The following TAFA2 variants were observed in gnomAD, a reference collection of about 807,000 sequenced individuals.
The protein encoded by TAFA2 is TAFA chemokine like family member 2.
A neutral mutation model predicts 18.8 loss-of-function variants in TAFA2; 7 were observed. The ratio of observed to expected loss-of-function variants is 0.37; its 90% CI spans 0.21 to 0.70. The LOEUF (loss-of-function observed/expected upper bound fraction) is 0.70, where lower values mean the gene tolerates loss of function less well. Ranked by LOEUF, TAFA2 falls within the 30% of genes least tolerant of loss-of-function variation. The probability of loss-of-function intolerance (pLI) is 0.53; values close to 1 mark genes in which losing one functional copy is unlikely to be tolerated. For synonymous variants in TAFA2, 60 were observed against 54.2 expected (o/e 1.11, Z -0.47); for missense variants, 122 against 158.1 (o/e 0.77, Z 1.23).
chr12:61,950,526 T>G (rs1878429979), intron 1 of TAFA2, among the ~76,000 whole-genome samples: 1 of 152,150 alleles, frequency 6.6e-6, no homozygotes, highest in Non-Finnish European at 1.5e-5. Flanking sequence ...GTTAAGCATT[T>G]TTTTCATATG....
chr12:61,739,975 A>G (rs1868376307), intron 4 of TAFA2, among the ~76,000 whole-genome samples: 1 of 152,114 alleles, frequency 6.6e-6, no homozygotes, highest in Non-Finnish European at 1.5e-5. Flanking sequence ...CTCTCCTCAC[A>G]ATTACTCAAA....
chr12:61,826,624 G>T (rs1410800089), intron 2 of TAFA2, among the ~76,000 whole-genome samples: 1 of 151,944 alleles, frequency 6.6e-6, no homozygotes, highest in Non-Finnish European at 1.5e-5. Flanking sequence ...TGGCTCAGGA[G>T]ATACTAATTT....
chr12:62,214,944 C>T (rs1218545851), intron 1 of TAFA2, among the ~76,000 whole-genome samples: 2 of 152,154 alleles, frequency 1.3e-5, no homozygotes, highest in Non-Finnish European at 2.9e-5. Context: ...GAGATACTAT[C>T]TTTAAAGGCT....
At chr12:62,010,400 T>A (rs1880697869) in intron 1 of TAFA2, among the ~76,000 whole-genome samples, 1 of 152,128 alleles carries the variant, frequency 6.6e-6, no homozygotes, top group Non-Finnish European at 1.5e-5. Context: ...TCGAGTGGTC[T>A]GCCCACCTCA....
intron 1 of TAFA2, among the ~76,000 whole-genome samples, chr12:62,020,614 A>C (rs1881097215): frequency 6.6e-6 from 1 of 152,228 alleles, no homozygotes. Flanking sequence ...ATCTACCTAC[A>C]AACCAAACTG....
chr12:62,115,744 G>A (rs538267162), intron 1 of TAFA2, among the ~76,000 whole-genome samples: 4 of 152,216 alleles, frequency 2.6e-5, no homozygotes, highest in South Asian at 4.1e-4. Flanking sequence ...AATCTGATTC[G>A]CAAACTCTAT....
At chr12:61,965,924 A>G (rs553642598) in intron 1 of TAFA2, among the ~76,000 whole-genome samples, 9 of 151,828 alleles carry the variant, frequency 5.9e-5, no homozygotes, top group African/African-American at 9.6e-5. Flanking sequence ...TCTATAATGG[A>G]CCTAGAAATT....
At chr12:61,739,076 G>T (rs1868356352) in intron 4 of TAFA2, among the ~76,000 whole-genome samples, 1 of 151,994 alleles carries the variant, frequency 6.6e-6, no homozygotes, top group South Asian at 2.1e-4. Flanking sequence ...ATCCATGTGA[G>T]AAATCTATGT....
intron 1 of TAFA2, among the ~76,000 whole-genome samples, chr12:62,237,537 C>T (rs1216394757): frequency 6.6e-5 from 10 of 151,992 alleles, no homozygotes; most frequent in South Asian, 2.1e-4. Context: ...GAATTGGTTC[C>T]GGGTTTCTTG....
intron 1 of TAFA2, among the ~76,000 whole-genome samples, chr12:62,066,390 C>G (rs1882489504): frequency 6.6e-6 from 1 of 151,828 alleles, no homozygotes; most frequent in Non-Finnish European, 1.5e-5. Context: ...AGGTCTTATT[C>G]ATTCTTTCTA....
intron 1 of TAFA2, among the ~76,000 whole-genome samples, chr12:62,143,305 T>C (rs1260590249): frequency 6.6e-6 from 1 of 152,198 alleles, no homozygotes; most frequent in Non-Finnish European, 1.5e-5. Context: ...GAGTAGTCAA[T>C]TGGAGAAAGT....
chr12:61,942,174 C>A lies in TAFA2; in HGVS notation c.-1-74748G>T, dbSNP rs372217028. ...ACCCCCGAGCAGCCTAACTGGGAGGCACCCCCCAGCAGGGGCACACTGACA... is the reference window on the plus strand; with the variant it reads ...ACCCCCGAGCAGCCTAACTGGGAGGAACCCCCCAGCAGGGGCACACTGACA... On this transcript the variant is annotated intron_variant, in intron 1 of 4. Coordinates refer to ENST00000416284, the MANE Select transcript of TAFA2 (RefSeq NM_178539.5). Among the ~76,000 whole-genome samples the A allele has an allele frequency of 4.8e-5, 7 of 147,246 alleles. No homozygotes were observed. In the East Asian group the frequency reaches 1.0e-3, roughly 21 times the overall value.
chr12:61,909,765 C>T (rs907779064), intron 1 of TAFA2, among the ~76,000 whole-genome samples: 1 of 151,944 alleles, frequency 6.6e-6, no homozygotes, highest in Admixed American at 6.6e-5. Context: ...TTAAGAGGCA[C>T]CACAAACCTG....
intron 1 of TAFA2, among the ~76,000 whole-genome samples, chr12:62,219,960 T>C (rs1298536107): frequency 6.6e-6 from 1 of 152,180 alleles, no homozygotes; most frequent in African/African-American, 2.4e-5. Context: ...TGAAAATACC[T>C]AGTACATTTT....
chr12:62,010,709 G>A (rs1592547200), intron 1 of TAFA2, among the ~76,000 whole-genome samples: 2 of 148,442 alleles, frequency 1.3e-5, no homozygotes, highest in South Asian at 4.3e-4. Context: ...GGAAGTGGGC[G>A]CCTCTGCCCG....
At chr12:62,130,870 A>G (rs1385083795) in intron 1 of TAFA2, among the ~76,000 whole-genome samples, 1 of 152,006 alleles carries the variant, frequency 6.6e-6, no homozygotes, top group Non-Finnish European at 1.5e-5. Context: ...GTTGAATAAC[A>G]TTTTATTAAA....
intron 1 of TAFA2, among the ~76,000 whole-genome samples, chr12:62,221,730 G>A (rs1441196460): frequency 1.3e-5 from 2 of 152,054 alleles, no homozygotes; most frequent in African/African-American, 4.8e-5. Flanking sequence ...AAAGATTTTA[G>A]AAAATAGAAT....
intron 1 of TAFA2, among the ~76,000 whole-genome samples, chr12:62,208,023 A>G (rs1460157393): frequency 6.6e-6 from 1 of 152,170 alleles, no homozygotes; most frequent in African/African-American, 2.4e-5. Flanking sequence ...GAGATGGGCA[A>G]TCTTGGTCTC....
At chr12:62,111,291 G>A (rs1246044394) in intron 1 of TAFA2, among the ~76,000 whole-genome samples, 2 of 152,136 alleles carry the variant, frequency 1.3e-5, no homozygotes, top group African/African-American at 2.4e-5. Context: ...ATGTAGTTGT[G>A]CAGTTTTGAC....
Sources: allele counts gnomAD v4.1 joint callset (sites outside exome capture counted in the v4.1 genomes callset), GRCh38; gene constraint gnomAD v4.1.1; transcripts MANE v1.5; gene names NCBI Gene and HGNC (gene_info 2026-07-23, HGNC 2026-07-21).